TAMM41: variants seen among roughly 807,000 people sequenced by gnomAD.
TAMM41 encodes TAM41 mitochondrial translocator assembly and maintenance homolog.
TAMM41 carries 36 observed loss-of-function variants against 44.1 expected under a neutral mutation model. The ratio of observed to expected loss-of-function variants is 0.82; its 90% CI spans 0.63 to 1.08. The LOEUF (loss-of-function observed/expected upper bound fraction) is 1.08. Among genes scored for constraint, TAMM41 ranks in the 50% least tolerant of loss-of-function variants. The pLI is 0.00. For synonymous variants in TAMM41, 164 were observed against 153.1 expected (o/e 1.07, Z -0.53); for missense variants, 417 against 404.3 (o/e 1.03, Z -0.27).
At chr3:11,730,308 C>T in the TAMM41 span, among the ~76,000 whole-genome samples, 1 of 151,566 alleles carries the variant, frequency 6.6e-6, no homozygotes, top group African/African-American at 2.4e-5. Context: ...GTATTCCCAG[C>T]TGCTCTGGAG....
chr3:11,843,960 T>C, intron 2 of TAMM41, 69 bp downstream of exon 2: 1 of 1,512,490 alleles, frequency 6.6e-7, no homozygotes, highest in Non-Finnish European at 9.0e-7. Context: ...AACATACATA[T>C]TTAGCTGGCA....
chr3:11,731,227 T>C, the TAMM41 span, among the ~76,000 whole-genome samples: 1 of 152,214 alleles, frequency 6.6e-6, no homozygotes, highest in East Asian at 1.9e-4. Context: ...ACCAGATTAG[T>C]CATCTTGGGT....
At chr3:11,774,426 C>T in the TAMM41 span, among the ~76,000 whole-genome samples, 1 of 152,038 alleles carries the variant, frequency 6.6e-6, no homozygotes, top group Non-Finnish European at 1.5e-5. Flanking sequence ...GACTGAGTGC[C>T]AGAGGGACTG....
At chr3:11,750,143 G>T in the TAMM41 span, among the ~76,000 whole-genome samples, 1 of 152,004 alleles carries the variant, frequency 6.6e-6, no homozygotes, top group Non-Finnish European at 1.5e-5. Flanking sequence ...TGATCCGCCC[G>T]CCTCGGCCTC....
chr3:11,838,441 C>T (rs2079280450), intron 3 of TAMM41, among the ~76,000 whole-genome samples: 1 of 152,200 alleles, frequency 6.6e-6, no homozygotes, highest in Non-Finnish European at 1.5e-5. Flanking sequence ...TGGTCTTGAA[C>T]TCCTGACCTC....
the TAMM41 span, among the ~76,000 whole-genome samples, chr3:11,772,829 A>G: frequency 6.6e-6 from 1 of 152,196 alleles, no homozygotes; most frequent in Non-Finnish European, 1.5e-5. Context: ...ATTGATGCTA[A>G]TCTTGAGAAT....
At chr3:11,795,068 A>T (rs2077572625) in intron 7 of TAMM41, among the ~76,000 whole-genome samples, 1 of 152,228 alleles carries the variant, frequency 6.6e-6, no homozygotes, top group African/African-American at 2.4e-5. Context: ...TTAAGAAATC[A>T]GAAGCAGAGG....
chr3:11,727,015 A>G, the TAMM41 span, among the ~76,000 whole-genome samples: 1 of 152,138 alleles, frequency 6.6e-6, no homozygotes, highest in Non-Finnish European at 1.5e-5. Context: ...AGAGGAAAGA[A>G]TAAGAAATAA....
downstream of TAMM41, among the ~76,000 whole-genome samples, chr3:11,786,276 TTTA>T (rs2077416248): frequency 8.0e-6 from 1 of 125,486 alleles, no homozygotes; most frequent in Admixed American, 8.7e-5. Flanking sequence ...TATTTATTTA[TTTA>T]TTTAATTTTA....
At chr3:11,784,201 T>C in the TAMM41 span, among the ~76,000 whole-genome samples, 4 of 152,244 alleles carry the variant, frequency 2.6e-5, no homozygotes, top group Admixed American at 2.0e-4. Flanking sequence ...TGTGATATCA[T>C]AACCTTTTTA....
At chr3:11,745,430 T>C in the TAMM41 span, among the ~76,000 whole-genome samples, 1 of 152,132 alleles carries the variant, frequency 6.6e-6, no homozygotes, top group East Asian at 1.9e-4. Flanking sequence ...GCAAAGCAAA[T>C]GCGCATTGAT....
At chr3:11,761,963 A>AG in the TAMM41 span, among the ~76,000 whole-genome samples, 2 of 149,918 alleles carry the variant, frequency 1.3e-5, no homozygotes, top group Non-Finnish European at 3.0e-5. Context: ...AAAAAAAAAA[A>AG]AAAGAAAGAA....
the TAMM41 span, among the ~76,000 whole-genome samples, chr3:11,723,400 C>T: frequency 6.6e-6 from 1 of 151,822 alleles, no homozygotes; most frequent in South Asian, 2.1e-4. Context: ...GGCAACACCG[C>T]GAAACCCCAT....
chr3:11,765,320 C>G, the TAMM41 span, among the ~76,000 whole-genome samples: 1 of 152,182 alleles, frequency 6.6e-6, no homozygotes, highest in African/African-American at 2.4e-5. Context: ...CCACCACTAG[C>G]TGAGCTCTTA....
intron 7 of TAMM41, among the ~76,000 whole-genome samples, chr3:11,806,202 G>A (rs757148239): frequency 2.4e-4 from 37 of 152,176 alleles, no homozygotes; most frequent in African/African-American, 8.7e-4. Flanking sequence ...CTAACGCAGC[G>A]TTGTGTTCAC....
chr3:11,763,899 C>T, the TAMM41 span, among the ~76,000 whole-genome samples: 2 of 152,206 alleles, frequency 1.3e-5, no homozygotes, highest in Non-Finnish European at 2.9e-5. Flanking sequence ...TGAAGGTGAC[C>T]TTCAGAGTCA....
At chr3:11,779,358 G>A in the TAMM41 span, among the ~76,000 whole-genome samples, 4 of 152,112 alleles carry the variant, frequency 2.6e-5, no homozygotes, top group Admixed American at 2.0e-4. Flanking sequence ...CCTTTTAATT[G>A]CCAGGTCGTG....
chr3:11,767,856 C>T, the TAMM41 span, among the ~76,000 whole-genome samples: 1 of 150,652 alleles, frequency 6.6e-6, no homozygotes, highest in South Asian at 2.1e-4. Flanking sequence ...AACTCCTGAC[C>T]TCGTGATCCG....
the TAMM41 span, among the ~76,000 whole-genome samples, chr3:11,754,680 T>C: frequency 6.6e-6 from 1 of 151,404 alleles, no homozygotes; most frequent in African/African-American, 2.4e-5. Context: ...ACTAACTCTT[T>C]TTAACCTCTG....
Sources: allele counts gnomAD v4.1 joint callset (sites outside exome capture counted in the v4.1 genomes callset), GRCh38; gene constraint gnomAD v4.1.1; transcripts MANE v1.5; gene names NCBI Gene and HGNC (gene_info 2026-07-23, HGNC 2026-07-21).